The following GLRA3 variants were observed in gnomAD, a reference collection of about 807,000 sequenced individuals.
GLRA3 encodes the protein glycine receptor alpha 3.
Under a neutral mutation model 60.4 loss-of-function variants are expected in GLRA3, and 44 were observed. The observed-to-expected ratio is 0.73, with a 90% confidence interval of 0.57 to 0.94. The LOEUF (loss-of-function observed/expected upper bound fraction) is 0.94. Ranked by LOEUF, GLRA3 falls within the 40% of genes least tolerant of loss-of-function variation. GLRA3 has a pLI of 0.00. For missense variants in GLRA3, 508 were observed against 564.6 expected (o/e 0.90, Z 1.02); for synonymous variants, 223 against 192.9 (o/e 1.16, Z -1.29).
chr4:174,792,838 A>T (rs1739411177), intron 1 of GLRA3, among the ~76,000 whole-genome samples: 1 of 152,198 alleles, frequency 6.6e-6, no homozygotes, highest in Admixed American at 6.5e-5. Flanking sequence ...TCATTCTTAA[A>T]GAATAAGGCC....
At chr4:174,689,756 TAAAAAAAAAAAAAAA>T (rs553306775) in intron 5 of GLRA3, among the ~76,000 whole-genome samples, 1 of 39,514 alleles carries the variant, frequency 2.5e-5, no homozygotes, top group African/African-American at 1.1e-4. Flanking sequence ...TAAGTCGCAT[TAAAAAAAAAAAAAAA>T]AAAAAAAAAA....
rs565853084 is a variant in GLRA3, at chr4:174,778,500, T to G, written c.199+10316A>C. On this transcript the variant is annotated intron_variant, in intron 2 of 9. Transcript: ENST00000274093. ...AAGATGGCCGAATAGGAACAGCTCCTGTCTACAGCTCCCAGCGTGACCGAT... is the reference window on the plus strand; with the variant it reads ...AAGATGGCCGAATAGGAACAGCTCCGGTCTACAGCTCCCAGCGTGACCGAT... Among the ~76,000 whole-genome samples the G allele has an allele frequency of 1.8e-4, 28 of 152,314 alleles. No homozygotes were observed. The South Asian group carries it at 4.3e-3, about 24-fold the overall frequency.
chr4:174,829,161 G>A lies in GLRA3; in HGVS notation c.-350C>T, dbSNP rs1031609637. On this transcript the variant is annotated 5_prime_UTR_variant, in exon 1 of 10. Coordinates refer to ENST00000274093, the MANE Select transcript of GLRA3 (RefSeq NM_006529.4). ...CCCTGACTGAGACCCAGGATTGGAG[G>A]AAGAAGAGCAGCAACAGCCGGAAAG... is the stretch of plus-strand genomic sequence containing the variant. 1 of 181,262 alleles carries A rather than the reference G, an allele frequency of 5.5e-6. No homozygotes were observed. Among genetic ancestry groups the A allele is most frequent in the Non-Finnish European group, 1.2e-5 (1 of 86,278 alleles). 11.2% of individuals were successfully genotyped at this position (181,262 alleles called of 1,614,324 possible).
intron 1 of GLRA3, among the ~76,000 whole-genome samples, chr4:174,801,762 C>G (rs1450390175): frequency 6.6e-6 from 1 of 151,982 alleles, no homozygotes; most frequent in Admixed American, 6.6e-5. Context: ...TCATTATGAT[C>G]CAGATTTAAG....
At chr4:174,732,197 A>C (rs1051510628) in intron 3 of GLRA3, among the ~76,000 whole-genome samples, 1 of 151,986 alleles carries the variant, frequency 6.6e-6, no homozygotes, top group African/African-American at 2.4e-5. Flanking sequence ...TCTACTAAAA[A>C]CACAAAAATT....
chr4:174,638,695 T>G lies in GLRA3; in HGVS notation c.*5091A>C, dbSNP rs907585829. ...TAAAAAGTGTTAAATTGATCCTTAT[T>G]AAGAGAATAAGCTTGTGTAAGTTCA... On this transcript the variant is annotated 3_prime_UTR_variant, in exon 10 of 10. Transcript: ENST00000274093. 51 of 152,198 alleles carry G rather than the reference T, an allele frequency of 3.4e-4. No individual in the cohort carries two copies. Among genetic ancestry groups the G allele is most frequent in the African/African-American group, 1.2e-3 (49 of 41,446 alleles). The allele number at this position is 152,198 out of a possible 1,614,324, so 9.4% of individuals were successfully genotyped here.
chr4:174,798,437 AT>A (rs1042618485), intron 1 of GLRA3, among the ~76,000 whole-genome samples: 1 of 152,210 alleles, frequency 6.6e-6, no homozygotes, highest in African/African-American at 2.4e-5. Context: ...CCATCTCCCT[AT>A]GCTTCAATGT....
At chr4:174,792,415 C>T (rs895666838) in intron 1 of GLRA3, among the ~76,000 whole-genome samples, 2 of 151,908 alleles carry the variant, frequency 1.3e-5, no homozygotes, top group Non-Finnish European at 2.9e-5. Context: ...TGGATTAGGG[C>T]ATATTGTTTT....
At chr4:174,664,796 T>A (rs1307625506) in intron 7 of GLRA3, among the ~76,000 whole-genome samples, 1 of 152,208 alleles carries the variant, frequency 6.6e-6, no homozygotes, top group Non-Finnish European at 1.5e-5. Context: ...TAGCCCTTCA[T>A]AATAATTCAT....
chr4:174,743,941 T>A (rs1579539236), intron 3 of GLRA3, among the ~76,000 whole-genome samples: 1 of 152,040 alleles, frequency 6.6e-6, no homozygotes, highest in East Asian at 1.9e-4. Context: ...CAGCTGCAGC[T>A]GTTGCTGCTG....
Position 174,814,855 on chromosome 4 carries a change from T to A in GLRA3, c.71+13886A>T, listed in dbSNP as rs116372486. Among the ~76,000 whole-genome samples the A allele has an allele frequency of 6.2e-3, 943 of 152,194 alleles. 10 individuals carry two copies. Among genetic ancestry groups the A allele is most frequent in the African/African-American group, 0.022 (901 of 41,544 alleles). ...GTGGGGACAGAGACAAACCATATGA[T>A]TCCATCCCCAACCTCATCCAAATCT... On this transcript the variant is annotated intron_variant, in intron 1 of 9. Transcript: ENST00000274093.
intron 2 of GLRA3, among the ~76,000 whole-genome samples, chr4:174,781,052 A>G (rs1380215982): frequency 6.6e-6 from 1 of 152,264 alleles, no homozygotes; most frequent in African/African-American, 2.4e-5. Context: ...AAAATTGACC[A>G]CATACTTGGA....
chr4:174,698,778 A>G (rs1735174208), intron 5 of GLRA3, among the ~76,000 whole-genome samples: 2 of 152,170 alleles, frequency 1.3e-5, no homozygotes, highest in Admixed American at 1.3e-4. Flanking sequence ...AAAAATGTCT[A>G]TTATTGCAAT....
intron 9 of GLRA3, among the ~76,000 whole-genome samples, chr4:174,656,297 C>T (rs1733201403): frequency 6.6e-6 from 1 of 152,116 alleles, no homozygotes; most frequent in South Asian, 2.1e-4. Flanking sequence ...TAAAGATACA[C>T]AGAAGGCACG....
In GLRA3 at chr4:174,824,794, T is replaced by C. The variant is rs187640086; in HGVS notation, c.71+3947A>G. On this transcript the variant is annotated intron_variant, in intron 1 of 9. Transcript: ENST00000274093. The stretch of plus-strand genomic sequence containing the variant: ...CCTAAAATATTGCTATCTGTACTTT[T>C]TTCTTTTGATGTTTGACCCTTTTCC... 7.2e-5 allele frequency among the ~76,000 whole-genome samples: 11 copies of C among 152,326 alleles called. No individual in the cohort carries two copies. In the East Asian group the frequency reaches 1.5e-3, roughly 21 times the overall value.
chr4:174,822,866 G>A (rs1433846747), intron 1 of GLRA3, among the ~76,000 whole-genome samples: 1 of 152,096 alleles, frequency 6.6e-6, no homozygotes, highest in Non-Finnish European at 1.5e-5. Flanking sequence ...CGTTGCCTAC[G>A]AGGTACTAGT....
At chr4:174,697,796 A>G (rs1735122306) in intron 5 of GLRA3, among the ~76,000 whole-genome samples, 1 of 152,198 alleles carries the variant, frequency 6.6e-6, no homozygotes, top group African/African-American at 2.4e-5. Flanking sequence ...AAACTTCACA[A>G]AATTGCCACA....
rs1734153899 is a variant in GLRA3 at position 174,677,123 on chromosome 4, T to G, written c.882A>C (p.Leu294=). 6.2e-7 allele frequency: 1 copy of G among 1,613,540 alleles called. No individual in the cohort carries two copies. The highest frequency in any genetic ancestry group is 1.3e-5 in the African/African-American group (1 of 75,012). Residue 294 remains leucine (L), a synonymous_variant, in exon 7 of 10, where the codon CTA becomes CTC. Coordinates refer to ENST00000274093, the MANE Select transcript of GLRA3 (RefSeq NM_006529.4). ...ATCCTGAACTCTGTGTAGTCATCGTTAGCACAGTGGTTATCCCCAGAGCTA... is the reference window on the plus strand; with the variant it reads ...ATCCTGAACTCTGTGTAGTCATCGTGAGCACAGTGGTTATCCCCAGAGCTA... ...ARVALGITTV[L]TMTTQSSGSR...
At position 174,706,349 on chromosome 4, in the gene GLRA3, C is replaced by A. The variant is rs148436254; in HGVS notation, c.574+9139G>T. Among the ~76,000 whole-genome samples, 601 of 152,262 alleles carry A rather than the reference C, an allele frequency of 3.9e-3. 1 individual carries two copies. The highest frequency in any genetic ancestry group is 0.014 in the African/African-American group (567 of 41,554). ...GGCAGAGAGAAGAGCACAGTTTTATCTGACATAAGGATTATGGTAACCCCA... is the reference window on the plus strand; with the variant it reads ...GGCAGAGAGAAGAGCACAGTTTTATATGACATAAGGATTATGGTAACCCCA... On this transcript the variant is annotated intron_variant, in intron 5 of 9. Transcript: ENST00000274093.
Sources: allele counts gnomAD v4.1 joint callset (sites outside exome capture counted in the v4.1 genomes callset), GRCh38; gene constraint gnomAD v4.1.1; transcripts MANE v1.5; gene names NCBI Gene and HGNC (gene_info 2026-07-23, HGNC 2026-07-21).